The following DSCAM variants were observed in gnomAD, a reference collection of about 807,000 sequenced individuals.
DSCAM encodes the protein cell adhesion molecule DSCAM.
DSCAM carries 47 observed loss-of-function variants against 217.7 expected under a neutral mutation model. The ratio of observed to expected loss-of-function variants is 0.22; its 90% confidence interval spans 0.17 to 0.28. The LOEUF (loss-of-function observed/expected upper bound fraction) is 0.28, where lower values mean the gene tolerates loss of function less well. Among genes scored for constraint, DSCAM ranks in the 10% least tolerant of loss-of-function variants. The pLI, the probability that DSCAM is intolerant of heterozygous loss-of-function variation, is 1.00. For missense variants in DSCAM, 2,080 were observed against 2,618.3 expected (o/e 0.79, Z 4.49); for synonymous variants, 1,056 against 1,015.3 (o/e 1.04, Z -0.76).
intron 8 of DSCAM, among the ~76,000 whole-genome samples, chr21:40,332,154 A>G (rs146457921): frequency 2.6e-4 from 39 of 152,280 alleles, no homozygotes; most frequent in African/African-American, 8.9e-4. Context: ...TCTCTCTTAA[A>G]TTAGTCCCTC....
At chr21:40,607,420 T>A (rs2089255113) in intron 3 of DSCAM, among the ~76,000 whole-genome samples, 2 of 150,558 alleles carry the variant, frequency 1.3e-5, no homozygotes, top group Non-Finnish European at 2.9e-5. Flanking sequence ...TTTTTTTTTT[T>A]AGGAAATAAA....
intron 8 of DSCAM, among the ~76,000 whole-genome samples, chr21:40,319,043 T>C (rs1323308023): frequency 6.6e-6 from 1 of 152,198 alleles, no homozygotes; most frequent in Admixed American, 6.5e-5. Flanking sequence ...TTGGGCATAT[T>C]TGTAATAGCC....
chr21:40,539,311 T>G (rs2076524921), intron 3 of DSCAM, among the ~76,000 whole-genome samples: 1 of 150,946 alleles, frequency 6.6e-6, no homozygotes, highest in Non-Finnish European at 1.5e-5. Context: ...GAGACCATGG[T>G]GCAACGCCGT....
Position 40,338,084 on chromosome 21 carries a change from A to G in DSCAM, c.1783+17T>C, listed in dbSNP as rs773047370. ...CTATGGAATGAGTTGTGTGGGAACC[A>G]GGAGAACAGGGCTTACCTTTCACGG... On this transcript the variant is annotated intron_variant, in intron 8 of 32. Transcript: ENST00000400454. The G allele has an allele frequency of 1.2e-6, 2 of 1,610,996 alleles. No homozygotes were observed. Among genetic ancestry groups the G allele is most frequent in the East Asian group, 4.5e-5 (2 of 44,878 alleles).
intron 3 of DSCAM, among the ~76,000 whole-genome samples, chr21:40,610,200 G>C (rs531546519): frequency 2.8e-4 from 43 of 152,124 alleles, no homozygotes; most frequent in Non-Finnish European, 5.7e-4. Context: ...CTTTACTGTA[G>C]AAAGAAAAAA....
At chr21:40,136,313 T>G (rs2090208513) in intron 18 of DSCAM, among the ~76,000 whole-genome samples, 1 of 152,208 alleles carries the variant, frequency 6.6e-6, no homozygotes, top group African/African-American at 2.4e-5. Context: ...TCTTTTGGAT[T>G]AGGATAAAAA....
intron 1 of DSCAM, among the ~76,000 whole-genome samples, chr21:40,838,214 C>T (rs1186735484): frequency 6.6e-6 from 1 of 152,154 alleles, no homozygotes; most frequent in Non-Finnish European, 1.5e-5. Flanking sequence ...CAGAAATGTT[C>T]CCATCATCCA....
intron 26 of DSCAM, among the ~76,000 whole-genome samples, chr21:40,077,471 G>T (rs903144461): frequency 6.6e-5 from 10 of 152,158 alleles, no homozygotes; most frequent in Non-Finnish European, 1.2e-4. Context: ...CATTTCTGTG[G>T]GTCCTTAGGT....
At chr21:40,451,139 A>G (rs1181472708) in intron 3 of DSCAM, among the ~76,000 whole-genome samples, 1 of 152,224 alleles carries the variant, frequency 6.6e-6, no homozygotes, top group African/African-American at 2.4e-5. Context: ...CCCATCATCC[A>G]GAGGCTCTGC....
chr21:40,502,779 C>G (rs990906676), intron 3 of DSCAM, among the ~76,000 whole-genome samples: 1 of 151,994 alleles, frequency 6.6e-6, no homozygotes, highest in Non-Finnish European at 1.5e-5. Context: ...CTTTAATTTC[C>G]CCTTGCCATA....
chr21:40,522,776 T>G (rs1315734910), intron 3 of DSCAM, among the ~76,000 whole-genome samples: 1 of 152,184 alleles, frequency 6.6e-6, no homozygotes, highest in Admixed American at 6.5e-5. Context: ...TCTTCCTGTT[T>G]CCATTCGCAA....
intron 3 of DSCAM, among the ~76,000 whole-genome samples, chr21:40,661,525 C>A (rs929632909): frequency 6.6e-6 from 1 of 152,166 alleles, no homozygotes; most frequent in Middle Eastern, 3.2e-3. Flanking sequence ...GAGACAACAT[C>A]CCTATTTGAA....
intron 5 of DSCAM, among the ~76,000 whole-genome samples, chr21:40,349,341 G>A (rs1441713874): frequency 1.3e-5 from 2 of 151,710 alleles, no homozygotes; most frequent in Admixed American, 1.3e-4. Flanking sequence ...AAACAGGTTG[G>A]TATTAGAATT....
intron 3 of DSCAM, among the ~76,000 whole-genome samples, chr21:40,456,858 A>G (rs1168850542): frequency 1.3e-5 from 2 of 152,212 alleles, no homozygotes; most frequent in Non-Finnish European, 2.9e-5. Flanking sequence ...TCATAATAAA[A>G]TGATGAAAAA....
chr21:40,398,365 T>G (rs935139126), intron 3 of DSCAM, among the ~76,000 whole-genome samples: 1 of 152,186 alleles, frequency 6.6e-6, no homozygotes, highest in Non-Finnish European at 1.5e-5. Context: ...CAACAGACCT[T>G]GCAGTTTTCT....
chr21:40,741,867 C>T (rs575597250), intron 1 of DSCAM, among the ~76,000 whole-genome samples: 1 of 152,166 alleles, frequency 6.6e-6, no homozygotes, highest in Non-Finnish European at 1.5e-5. Context: ...CTTGTATTGA[C>T]TATTCCTATA....
At chr21:40,053,383 C>T (rs2146500249) in intron 29 of DSCAM, among the ~76,000 whole-genome samples, 1 of 152,318 alleles carries the variant, frequency 6.6e-6, no homozygotes, top group Non-Finnish European at 1.5e-5. Context: ...ACAGAGACAG[C>T]TTCCTACAAC....
intron 11 of DSCAM, among the ~76,000 whole-genome samples, chr21:40,201,760 T>C (rs752695096): frequency 4.0e-4 from 61 of 152,092 alleles, no homozygotes; most frequent in Non-Finnish European, 7.2e-4. Context: ...TTAATAATTA[T>C]GTAGAAAAAG....
At chr21:40,318,009 A>AT (rs1300331753) in intron 8 of DSCAM, among the ~76,000 whole-genome samples, 2 of 152,088 alleles carry the variant, frequency 1.3e-5, no homozygotes, top group Non-Finnish European at 2.9e-5. Flanking sequence ...TGAACTCATC[A>AT]TTTTTTATGG....
Sources: gnomAD v4.1 joint callset for allele counts (sites outside exome capture counted in the v4.1 genomes callset) on GRCh38, gnomAD v4.1.1 for gene constraint, MANE v1.5 for transcripts, NCBI Gene and HGNC (gene_info 2026-07-23, HGNC 2026-07-21) for gene names.